DOCK2: variants seen among roughly 807,000 people sequenced by gnomAD.
The protein encoded by DOCK2 is dedicator of cytokinesis protein 2.
Under a neutral mutation model 248.9 loss-of-function variants are expected in DOCK2, and 87 were observed. The observed-to-expected ratio is 0.35, with a 90% CI of 0.29 to 0.42. The LOEUF is 0.42. DOCK2 is among the 10% of genes least tolerant of loss of function. DOCK2 has a pLI of 1.00. For missense variants in DOCK2, 1,747 were observed against 2,300.2 expected (o/e 0.76, Z 4.92); for synonymous variants, 805 against 821.6 (o/e 0.98, Z 0.35).
intron 15 of DOCK2, 129 bp downstream of exon 15, chr5:169,708,396 C>T: frequency 2.1e-6 from 2 of 956,712 alleles, no homozygotes; most frequent in Non-Finnish European, 3.1e-6. Context: ...CTAATATTTC[C>T]TTCATTTTAT....
intron 27 of DOCK2, among the ~76,000 whole-genome samples, chr5:169,956,434 A>T (rs1167787898): frequency 6.6e-6 from 1 of 152,220 alleles, no homozygotes; most frequent in East Asian, 1.9e-4. Context: ...TTGTATTAGA[A>T]AGATTACTGC....
chr5:169,655,916 G>C (rs187660082), intron 2 of DOCK2, among the ~76,000 whole-genome samples: 2 of 152,208 alleles, frequency 1.3e-5, no homozygotes, highest in African/African-American at 2.4e-5. Flanking sequence ...TTTTACTTGG[G>C]GTTGTAGATG....
At chr5:169,749,111 T>C (rs1419587528) in intron 23 of DOCK2, among the ~76,000 whole-genome samples, 1 of 152,276 alleles carries the variant, frequency 6.6e-6, no homozygotes, top group African/African-American at 2.4e-5. Flanking sequence ...CTTCACATGG[T>C]ACTGCTTTCC....
intron 22 of DOCK2, among the ~76,000 whole-genome samples, chr5:169,726,054 T>C (rs1762456198): frequency 6.6e-6 from 1 of 152,204 alleles, no homozygotes; most frequent in Non-Finnish European, 1.5e-5. Context: ...ATGGTGTTTC[T>C]GGTTCTAGAT....
At chr5:169,782,853 A>G (rs796233179) in intron 25 of DOCK2, among the ~76,000 whole-genome samples, 8 of 152,284 alleles carry the variant, frequency 5.3e-5, no homozygotes, top group African/African-American at 1.9e-4. Flanking sequence ...TCTCTGACAT[A>G]TCAAATTCCA....
intron 1 of DOCK2, among the ~76,000 whole-genome samples, chr5:169,650,844 G>C (rs1332068565): frequency 1.3e-5 from 2 of 152,156 alleles, no homozygotes; most frequent in African/African-American, 4.8e-5. Flanking sequence ...GTCTTTCCTA[G>C]GGAATGTGTC....
chr5:170,001,828 G>A (rs1037671581), intron 30 of DOCK2, among the ~76,000 whole-genome samples: 1 of 152,206 alleles, frequency 6.6e-6, no homozygotes, highest in African/African-American at 2.4e-5. Context: ...TGACACAGAT[G>A]TTGTGAACAG....
chr5:169,787,077 T>C (rs1472180235), intron 25 of DOCK2, among the ~76,000 whole-genome samples: 4 of 152,202 alleles, frequency 2.6e-5, no homozygotes, highest in Non-Finnish European at 5.9e-5. Context: ...ATTTCCACTT[T>C]ACAGATACAG....
chr5:169,819,931 A>G (rs1247427939), intron 26 of DOCK2, among the ~76,000 whole-genome samples: 1 of 152,202 alleles, frequency 6.6e-6, no homozygotes, highest in Non-Finnish European at 1.5e-5. Context: ...CTAATACTGC[A>G]CTTTTCCAAT....
intron 26 of DOCK2, among the ~76,000 whole-genome samples, chr5:169,832,500 C>G (rs1225216649): frequency 6.6e-6 from 1 of 152,202 alleles, no homozygotes; most frequent in Non-Finnish European, 1.5e-5. Flanking sequence ...GCTGAGCTGT[C>G]TCTGTCCCTG....
chr5:170,026,670 G>A (rs1755928661), intron 33 of DOCK2, among the ~76,000 whole-genome samples: 1 of 152,188 alleles, frequency 6.6e-6, no homozygotes, highest in African/African-American at 2.4e-5. Flanking sequence ...AAGACGTTGG[G>A]TGACTTCAAA....
intron 27 of DOCK2, among the ~76,000 whole-genome samples, chr5:169,966,408 A>G (rs1294637759): frequency 1.3e-5 from 2 of 152,224 alleles, no homozygotes; most frequent in African/African-American, 4.8e-5. Context: ...ATGTGCTGGT[A>G]TGCTTAAGTG....
chr5:169,864,484 G>A, intron 27 of DOCK2: 3 of 1,490,870 alleles, frequency 2.0e-6, no homozygotes, highest in Non-Finnish European at 2.7e-6. Flanking sequence ...GAGGAAGGAA[G>A]GAAAGTGAAT....
chr5:170,028,638 T>C (rs1329568488), intron 34 of DOCK2: 1 of 152,990 alleles, frequency 6.5e-6, no homozygotes, highest in Non-Finnish European at 1.5e-5. Context: ...TCATTGACTC[T>C]TAGTATGTTC....
At chr5:170,033,710 A>C (rs1320884631) in intron 34 of DOCK2, among the ~76,000 whole-genome samples, 1 of 152,242 alleles carries the variant, frequency 6.6e-6, no homozygotes, top group East Asian at 1.9e-4. Context: ...AGGTTAAATG[A>C]GTTACCATTT....
chr5:170,007,284 G>T (rs1459574341), intron 30 of DOCK2, among the ~76,000 whole-genome samples: 1 of 152,136 alleles, frequency 6.6e-6, no homozygotes, highest in African/African-American at 2.4e-5. Context: ...GCCTAAAGTG[G>T]GTGGGCTTTG....
chr5:169,686,984 G>A (rs1176588532), intron 8 of DOCK2, among the ~76,000 whole-genome samples: 2 of 152,000 alleles, frequency 1.3e-5, no homozygotes, highest in Non-Finnish European at 2.9e-5. Context: ...GGTGCTGTGA[G>A]CCTTCAGATT....
chr5:170,031,629 T>G lies in DOCK2; in HGVS notation c.3468-2770T>G, dbSNP rs1368060296. Among the ~76,000 whole-genome samples the G allele has an allele frequency of 1.3e-5, 2 of 152,236 alleles. 1 individual carries two copies. The highest frequency in any genetic ancestry group is 2.9e-5 in the Non-Finnish European group (2 of 68,030). On this transcript the variant is annotated intron_variant, in intron 34 of 51. Transcript: ENST00000520908. The stretch of plus-strand genomic sequence containing the variant: ...TATCATTATATATTATGGTTAATTT[T>G]TATCTATGTTTCCCATGCTAGACTG...
chr5:169,667,053 A>C (rs1187463840), intron 2 of DOCK2, among the ~76,000 whole-genome samples: 4 of 152,220 alleles, frequency 2.6e-5, no homozygotes, highest in Admixed American at 2.0e-4. Flanking sequence ...GGGTCAGAGC[A>C]GGCAAACTCC....
Sources: allele counts gnomAD v4.1 joint callset (sites outside exome capture counted in the v4.1 genomes callset), GRCh38; gene constraint gnomAD v4.1.1; transcripts MANE v1.5; gene names NCBI Gene and HGNC (gene_info 2026-07-23, HGNC 2026-07-21).